Variants in ABR observed in about 807,000 individuals in gnomAD.
The protein encoded by ABR is ABR activator of RhoGEF and GTPase.
A neutral mutation model predicts 107.2 loss-of-function variants in ABR; 35 were observed. The observed-to-expected ratio is 0.33, with a 90% confidence interval of 0.25 to 0.43. The LOEUF (loss-of-function observed/expected upper bound fraction) is 0.43, where lower values mean the gene tolerates loss of function less well. Among genes scored for constraint, ABR ranks in the 20% least tolerant of loss-of-function variants. ABR has a pLI of 1.00. For synonymous variants in ABR, 498 were observed against 462.0 expected, an observed-to-expected ratio of 1.08 and a Z score of -1.00; for missense variants, 815 against 1,115.2, an observed-to-expected ratio of 0.73 and a Z score of 3.83.
At chr17:1,020,208 G>C (rs1180093774) in intron 16 of ABR, among the ~76,000 whole-genome samples, 1 of 151,934 alleles carries the variant, frequency 6.6e-6, no homozygotes, top group Non-Finnish European at 1.5e-5. Flanking sequence ...TCAGCCTCCC[G>C]AGTAGCTGGG....
intron 1 of ABR, among the ~76,000 whole-genome samples, chr17:1,204,177 G>A (rs2042743733): frequency 6.6e-6 from 1 of 152,222 alleles, no homozygotes; most frequent in South Asian, 2.1e-4. Flanking sequence ...GGGCGCGGTG[G>A]CTCAGGCCTG....
chr17:1,035,733 C>T (rs1316266291), intron 16 of ABR, among the ~76,000 whole-genome samples: 1 of 138,956 alleles, frequency 7.2e-6, no homozygotes, highest in Non-Finnish European at 1.6e-5. Context: ...ATGTCACTGC[C>T]TTTGGAATTA....
intron 1 of ABR, among the ~76,000 whole-genome samples, chr17:1,218,074 C>T (rs2043048200): frequency 6.6e-6 from 1 of 152,208 alleles, no homozygotes; most frequent in Non-Finnish European, 1.5e-5. Flanking sequence ...AAGTAATCCG[C>T]TACCTCGGAC....
chr17:1,209,126 C>A (rs937066985), intron 1 of ABR, among the ~76,000 whole-genome samples: 1 of 152,078 alleles, frequency 6.6e-6, no homozygotes, highest in Admixed American at 6.5e-5. Context: ...CCCTTTCTTC[C>A]GGATGGAGTT....
intron 1 of ABR, among the ~76,000 whole-genome samples, chr17:1,152,238 G>A (rs1362786552): frequency 1.1e-4 from 16 of 149,912 alleles, no homozygotes; most frequent in Non-Finnish European, 1.9e-4. Context: ...AGCCGAGATC[G>A]CGCCACTGCG....
chr17:1,137,017 CT>C, intron 1 of ABR, among the ~76,000 whole-genome samples: 1 of 110,548 alleles, frequency 9.0e-6, no homozygotes, highest in Non-Finnish European at 2.0e-5. Context: ...TTTTTTCTCT[CT>C]CTCTCTCTCT....
intron 16 of ABR, among the ~76,000 whole-genome samples, chr17:1,046,102 C>T (rs376088565): frequency 1.3e-5 from 2 of 152,248 alleles, no homozygotes; most frequent in East Asian, 3.9e-4. Context: ...AACTCCTGAC[C>T]TCAGGTGATC....
chr17:1,035,903 TC>T (rs1175339979), intron 16 of ABR, among the ~76,000 whole-genome samples: 4 of 149,726 alleles, frequency 2.7e-5, no homozygotes, highest in African/African-American at 9.9e-5. Context: ...TGAGGTAAAA[TC>T]GGGTTAAGGT....
At chr17:1,087,746 C>A (rs1007216076) in intron 4 of ABR, among the ~76,000 whole-genome samples, 1 of 152,156 alleles carries the variant, frequency 6.6e-6, no homozygotes, top group African/African-American at 2.4e-5. Flanking sequence ...CTCTTGCCCC[C>A]TTTCCCACAA....
chr17:1,031,798 C>A lies in ABR; in HGVS notation c.1791+18252G>T. ...AAGGCGCCTGTGGAGCGCTCAGTCC[C>A]GGCTGCCAGTCCCGCTAGTTCCCTA... is the stretch of plus-strand genomic sequence containing the variant. On this transcript the variant is annotated intron_variant, in intron 16 of 22. Coordinates refer to ENST00000302538, the MANE Select transcript of ABR (RefSeq NM_021962.5). 2.4e-6 allele frequency: 3 copies of A among 1,229,436 alleles called. No homozygotes were observed. The South Asian group carries it at 1.2e-4, about 50-fold the overall frequency. 76.2% of individuals were successfully genotyped at this position (1,229,436 alleles called of 1,614,324 possible). A position where few individuals can be genotyped will look rare whatever the true frequency, so the allele number is the denominator to read the frequency against.
At position 1,200,788 on chromosome 17, in the gene ABR, G is replaced by A. The variant is rs528288115; in HGVS notation, c.838+28005C>T. Among the ~76,000 whole-genome samples the A allele has an allele frequency of 5.7e-4, 87 of 152,296 alleles. No individual in the cohort carries two copies. The highest frequency in any genetic ancestry group is 3.1e-3 in the Admixed American group (48 of 15,304). ...TCGGGGAGACAGGAACATGACCTGG[G>A]TTATCAGCACCGTCCAGGGACACCA... On this transcript the variant is annotated intron_variant, in intron 1 of 22. Coordinates refer to the ABR transcript ENST00000574139. This position sits in a 1 kb window ranked among gnomAD's most constrained non-coding sequence, Gnocchi z 4.1.
At chr17:1,044,103 G>A (rs972498362) in intron 16 of ABR, among the ~76,000 whole-genome samples, 2 of 152,200 alleles carry the variant, frequency 1.3e-5, no homozygotes, top group African/African-American at 4.8e-5. Context: ...CAGCTGGAGC[G>A]GCAAGGCTGG....
upstream of ABR, among the ~76,000 whole-genome samples, chr17:1,190,814 G>A (rs1051530945): frequency 1.3e-5 from 2 of 152,200 alleles, no homozygotes; most frequent in African/African-American, 4.8e-5. Flanking sequence ...TCTGCCCCAC[G>A]GCGCTGCAGG....
chr17:1,024,783 CAA>C (rs57876178), intron 16 of ABR, among the ~76,000 whole-genome samples: 18,185 of 92,932 alleles, frequency 0.2, 908 homozygotes, highest in South Asian at 0.3. Flanking sequence ...GAGACTCCCA[CAA>C]AAAAAAAAAA....
chr17:1,020,160 T>C (rs551412021), intron 16 of ABR, among the ~76,000 whole-genome samples: 76 of 152,228 alleles, frequency 5.0e-4, no homozygotes, highest in African/African-American at 1.3e-3. Flanking sequence ...CTCAGCTCAC[T>C]GCAACCTCCA....
At chr17:1,170,351 AAC>A in intron 1 of ABR, among the ~76,000 whole-genome samples, 1 of 152,270 alleles carries the variant, frequency 6.6e-6, no homozygotes, top group African/African-American at 2.4e-5. Context: ...CGGGAGAAAG[AAC>A]ACAGTTTACA....
chr17:1,054,311 T>C (rs2589496), intron 14 of ABR, among the ~76,000 whole-genome samples: 18,537 of 152,228 alleles, frequency 0.12, 1,303 homozygotes, highest in South Asian at 0.2. Context: ...AACGACTTCA[T>C]TCCACATTTC....
Position 1,229,372 on chromosome 17 carries a change from C to T in ABR, c.259G>A (p.Asp87Asn), listed in dbSNP as rs1015804541. 2.7e-5 allele frequency among the ~76,000 whole-genome samples: 4 copies of T among 146,516 alleles called. No homozygotes were observed. The South Asian group carries it at 8.3e-4, about 31-fold the overall frequency. ...GCCTCGGGGTCGGGGCGCCCGGGGT[C>T]CCCGCGGGGAGACTCGGCCTCGGGG... The change falls in exon 1 of 23, where the codon GAC (aspartate) becomes AAC (asparagine). Residue 87 changes from aspartate to asparagine, a missense_variant. Physicochemically the swap from Asp to Asn is conservative, Grantham distance 23. Transcript: ENST00000574139.
In ABR at chr17:1,014,064, A is replaced by G. The variant is rs146463269; in HGVS notation, c.1792-900T>C. 6.0e-4 allele frequency among the ~76,000 whole-genome samples: 92 copies of G among 152,354 alleles called. 1 individual carries two copies. The East Asian group carries it at 0.016, about 27-fold the overall frequency. ...AATCATGTCAATATTGCCATCCTAA[A>G]ATAAAAGTGTGACATCATTCCTTCT... On this transcript the variant is annotated intron_variant, in intron 16 of 22. Transcript: ENST00000302538.
Sources: gnomAD v4.1 joint callset for allele counts (sites outside exome capture counted in the v4.1 genomes callset) on GRCh38, gnomAD v4.1.1 for gene constraint, Gnocchi (gnomAD v3.1) non-coding constraint, MANE v1.5 for transcripts, NCBI Gene and HGNC (gene_info 2026-07-23, HGNC 2026-07-21) for gene names.